Variants in UBXN2A observed in about 807,000 individuals in gnomAD.
UBXN2A encodes the protein UBX domain protein 2A, also known as UBX domain-containing protein 2A.
Under a neutral mutation model 28.4 loss-of-function variants are expected in UBXN2A, and 28 were observed. That is an observed-to-expected ratio of 0.99 (90% CI 0.73 to 1.35). UBXN2A has a LOEUF of 1.35. UBXN2A is among the 40% of genes most tolerant of loss of function. UBXN2A has a pLI of 0.00. For missense variants in UBXN2A, 253 were observed against 297.9 expected (o/e 0.85, Z 1.11); for synonymous variants, 97 against 103.6 (o/e 0.94, Z 0.39).
Position 23,946,886 on chromosome 2 carries a change from AAT to A in UBXN2A, c.-15+6239_-15+6240del, listed in dbSNP as rs1491120573. ...AAGAGTCTCAGACTCCCAATTTATT[AAT>A]TTTTTTTTTTTTTTTTTTTGAGACA... On this transcript the variant is annotated intron_variant, in intron 1 of 6. Transcript: ENST00000309033. Among the ~76,000 whole-genome samples the A allele has an allele frequency of 4.2e-5, 5 of 120,158 alleles. No individual in the cohort carries two copies. In the East Asian group the frequency reaches 1.1e-3, roughly 26 times the overall value. The allele number at this position is 120,158 out of a possible 152,430, so 78.8% of individuals were successfully genotyped here. A position where few individuals can be genotyped will look rare whatever the true frequency, so the allele number is the denominator to read the frequency against.
At chr2:23,974,016 ATTTT>A in intron 3 of UBXN2A, among the ~76,000 whole-genome samples, 1 of 140,444 alleles carries the variant, frequency 7.1e-6, no homozygotes, top group African/African-American at 2.6e-5. Flanking sequence ...AAAATGATTA[ATTTT>A]TTTTTTTTTT....
rs1705913868 is a variant in UBXN2A, at chr2:23,944,115, G to C, written c.-15+3467G>C. The C allele has an allele frequency of 3.9e-6, 3 of 774,126 alleles. No homozygotes were observed. The South Asian group carries it at 4.1e-5, about 10-fold the overall frequency. The allele number at this position is 774,126 out of a possible 1,614,324, so 48.0% of individuals were successfully genotyped here. A position where few individuals can be genotyped will look rare whatever the true frequency, so the allele number is the denominator to read the frequency against. ...GGTCTCTTTTTGGCATGTCAGCCCTGTTACTCCCAGGAAAGTTTAAGTCTT... is the reference window on the plus strand; with the variant it reads ...GGTCTCTTTTTGGCATGTCAGCCCTCTTACTCCCAGGAAAGTTTAAGTCTT... On this transcript the variant is annotated intron_variant, in intron 1 of 6. Transcript: ENST00000309033.
intron 2 of UBXN2A, among the ~76,000 whole-genome samples, chr2:23,964,280 G>T (rs1004484947): frequency 2.6e-4 from 39 of 151,358 alleles, no homozygotes; most frequent in Admixed American, 3.3e-4. Context: ...GCACAATCTC[G>T]GCTCACCACA....
chr2:23,972,064 A>C (rs1707444901), intron 3 of UBXN2A, among the ~76,000 whole-genome samples: 1 of 152,068 alleles, frequency 6.6e-6, no homozygotes, highest in Admixed American at 6.6e-5. Flanking sequence ...GCACCACTGC[A>C]CTCCAGCCTG....
rs1708670708 is a variant in UBXN2A, at chr2:23,999,758, T to C, written c.671T>C (p.Leu224Pro). 5.6e-6 allele frequency: 9 copies of C among 1,614,186 alleles called. No homozygotes were observed. Among genetic ancestry groups the C allele is most frequent in the Non-Finnish European group, 7.6e-6 (9 of 1,180,036 alleles). Residue 224 changes from leucine to proline, a missense_variant, in exon 7 of 7, where the codon CTC (leucine) becomes CCC (proline). Transcript: ENST00000309033. ...TCCCTGGCAACAGCTCTTCCTGTCC[T>C]CAGGTTGCTAGATGAGACACTCACA... is the stretch of plus-strand genomic sequence containing the variant. The part of the protein sequence containing the change: ...PFSLATALPV[L>P]RLLDETLTLE...
intron 1 of UBXN2A, among the ~76,000 whole-genome samples, chr2:23,940,897 A>G (rs1049830481): frequency 6.6e-5 from 10 of 152,060 alleles, no homozygotes; most frequent in African/African-American, 2.4e-4. Context: ...CTGCGGCTTG[A>G]CTTGCGAGCT....
At position 23,983,010 on chromosome 2, in the gene UBXN2A, A is replaced by G. The variant is rs1486158572; in HGVS notation, c.402A>G (p.Ser134=). ...LSTKPVFQPF[S]GQGHRLGSAT... is the part of the protein sequence containing the mutation. ...CGAAGCCTGTGTTCCAGCCCTTTTC[A>G]GGACAGGGTCACAGACTAGGAAGGT... Residue 134 remains serine, a synonymous_variant, in exon 5 of 7, where the codon TCA becomes TCG. Transcript: ENST00000309033. 2 of 1,606,566 alleles carry G rather than the reference A, an allele frequency of 1.2e-6. No individual in the cohort carries two copies. The highest frequency in any genetic ancestry group is 2.2e-5 in the East Asian group (1 of 44,740).
At chr2:23,974,918 G>A (rs919069112) in intron 3 of UBXN2A, among the ~76,000 whole-genome samples, 15 of 151,648 alleles carry the variant, frequency 9.9e-5, no homozygotes, top group Non-Finnish European at 8.8e-5. Context: ...GGCGGAGCTC[G>A]CAGTGAACCA....
chr2:23,941,878 G>C (rs1026691763), intron 1 of UBXN2A, among the ~76,000 whole-genome samples: 5 of 152,146 alleles, frequency 3.3e-5, no homozygotes, highest in African/African-American at 1.2e-4. Context: ...TTCTAGACCA[G>C]CCTGGCTAAC....
At chr2:23,980,076 C>T (rs1041901890) in intron 4 of UBXN2A, among the ~76,000 whole-genome samples, 12 of 151,990 alleles carry the variant, frequency 7.9e-5, no homozygotes, top group Admixed American at 2.0e-4. Flanking sequence ...TTGAAAAAGC[C>T]GAATATATTG....
At chr2:23,944,981 GT>G (rs1011057879) in intron 1 of UBXN2A, among the ~76,000 whole-genome samples, 7 of 151,960 alleles carry the variant, frequency 4.6e-5, no homozygotes, top group African/African-American at 1.2e-4. Flanking sequence ...ATATATTAAA[GT>G]TTTTTTTCTT....
intron 1 of UBXN2A, among the ~76,000 whole-genome samples, chr2:23,954,226 A>G (rs554874126): frequency 1.3e-5 from 2 of 152,236 alleles, no homozygotes; most frequent in East Asian, 3.9e-4. Flanking sequence ...GTCTTTATCA[A>G]TCACCTATTC....
rs1233942698 is a variant in UBXN2A at position 24,004,734 on chromosome 2, T to TA, written c.*4873dup. ...TAATTACTATGCATTTTTTTCAGTT[T>TA]AAAAAATAATCTTATTTTATATACT... On this transcript the variant is annotated 3_prime_UTR_variant, in exon 7 of 7. Coordinates refer to ENST00000309033, the MANE Select transcript of UBXN2A (RefSeq NM_181713.4). 1.3e-5 allele frequency: 2 copies of TA among 151,976 alleles called. No individual in the cohort carries two copies. The highest frequency in any genetic ancestry group is 6.6e-5 in the Admixed American group (1 of 15,252). 9.4% of individuals were successfully genotyped at this position (151,976 alleles called of 1,614,324 possible). A position where few individuals can be genotyped will look rare whatever the true frequency, so the allele number is the denominator to read the frequency against.
intron 1 of UBXN2A, among the ~76,000 whole-genome samples, chr2:23,946,818 T>G (rs948457426): frequency 6.6e-6 from 1 of 151,836 alleles, no homozygotes; most frequent in African/African-American, 2.4e-5. Context: ...TAAATTTTTG[T>G]TTATAGATTT....
intron 6 of UBXN2A, 77 bp from the exon 7 acceptor site, chr2:23,999,592 CTTT>C (rs1227537866): frequency 2.8e-5 from 40 of 1,426,886 alleles, no homozygotes; most frequent in Non-Finnish European, 2.7e-5. Flanking sequence ...TATCCAGATA[CTTT>C]TACCAGTTGT....
At chr2:23,938,075 T>G (rs1274793744), upstream of UBXN2A, among the ~76,000 whole-genome samples, 1 of 151,822 alleles carries the variant, frequency 6.6e-6, no homozygotes, top group African/African-American at 2.4e-5. Flanking sequence ...ACCGAAAGGT[T>G]GTTATGTGGC....
intron 1 of UBXN2A, among the ~76,000 whole-genome samples, chr2:23,945,730 T>A (rs1465495056): frequency 6.6e-6 from 1 of 152,188 alleles, no homozygotes; most frequent in Non-Finnish European, 1.5e-5. Context: ...TCTCCTCAAA[T>A]TCCTTTTGAC....
rs1708750166 is a variant in UBXN2A, at chr2:24,003,133, T to G, written c.*3266T>G. 1 of 152,114 alleles carries G rather than the reference T, an allele frequency of 6.6e-6. No individual in the cohort carries two copies. The highest frequency in any genetic ancestry group is 2.1e-4 in the South Asian group (1 of 4,826). The allele number at this position is 152,114 out of a possible 1,614,324, so 9.4% of individuals were successfully genotyped here. ...CACTGTATCTGTGATGGGTCTCAGA[T>G]CTCTGCATTTTTAATCTCACGTGAT... On this transcript the variant is annotated 3_prime_UTR_variant, in exon 7 of 7. Transcript: ENST00000309033.
At chr2:23,969,300 A>G (rs1026184236) in intron 2 of UBXN2A, among the ~76,000 whole-genome samples, 1 of 152,188 alleles carries the variant, frequency 6.6e-6, no homozygotes, top group Non-Finnish European at 1.5e-5. Flanking sequence ...ACTTTGGGAA[A>G]CAGACACGGG....
Sources: gnomAD v4.1 joint callset for allele counts (sites outside exome capture counted in the v4.1 genomes callset) on GRCh38, gnomAD v4.1.1 for gene constraint, MANE v1.5 for transcripts, NCBI Gene and HGNC (gene_info 2026-07-23, HGNC 2026-07-21) for gene names.